The following ZNF251 variants were observed in gnomAD, a reference collection of about 807,000 sequenced individuals.
ZNF251 encodes the protein zinc finger protein 251.
ZNF251 carries 14 observed loss-of-function variants against 13.5 expected under a neutral mutation model. The observed-to-expected ratio is 1.04, with a 90% confidence interval of 0.69 to 1.63. ZNF251 has a LOEUF of 1.63. Ranked by LOEUF, ZNF251 falls within the 40% of genes most tolerant of loss-of-function variation. The pLI is 0.00. For synonymous variants in ZNF251, 287 were observed against 295.2 expected (o/e 0.97, Z 0.28); for missense variants, 764 against 834.9 (o/e 0.92, Z 1.05).
chr8:144,753,645 G>A (rs1318715284), intron 4 of ZNF251, 38 bp downstream of exon 4: 2 of 1,516,536 alleles, frequency 1.3e-6, no homozygotes, highest in African/African-American at 2.8e-5. Flanking sequence ...GCAGGATTGG[G>A]AGGCTGCTCC....
In ZNF251 at chr8:144,755,470, G is replaced by A. The variant is rs1436743444; in HGVS notation, c.-141C>T. 6.2e-6 allele frequency: 8 copies of A among 1,287,542 alleles called. No individual in the cohort carries two copies. The highest frequency in any genetic ancestry group is 5.6e-5 in the East Asian group (1 of 18,000). 79.8% of individuals were successfully genotyped at this position (1,287,542 alleles called of 1,614,324 possible). A position where few individuals can be genotyped will look rare whatever the true frequency, so the allele number is the denominator to read the frequency against. ...GGAGCTGCGCAGTCGCACCGAGCCC[G>A]GAACGGACCCTCCCACAGAACCGGG... On this transcript the variant is annotated 5_prime_UTR_variant, in exon 1 of 5. Coordinates refer to ENST00000292562, the MANE Select transcript of ZNF251 (RefSeq NM_138367.2).
At position 144,723,078 on chromosome 8, in the gene ZNF251, T is replaced by C; in HGVS notation, c.582A>G (p.Gln194=). ...SAFDRNLNLD[Q]NVVRLQRNKT... is the part of the protein sequence containing the mutation. The stretch of plus-strand genomic sequence containing the variant: ...TATTTCTTTGAAGTCTAACAACATT[T>C]TGGTCCAGATTCAAGTTTCTATCAA... The change falls in exon 5 of 5, where the codon CAA becomes CAG. Residue 194 remains glutamine, a synonymous_variant. Transcript: ENST00000292562. 1.2e-6 allele frequency: 2 copies of C among 1,614,058 alleles called. No individual in the cohort carries two copies. The highest frequency in any genetic ancestry group is 1.7e-6 in the Non-Finnish European group (2 of 1,179,888).
At chr8:144,733,419 G>C (rs546338563) in intron 4 of ZNF251, among the ~76,000 whole-genome samples, 1 of 152,160 alleles carries the variant, frequency 6.6e-6, no homozygotes, top group African/African-American at 2.4e-5. Flanking sequence ...AGCTGCCTCC[G>C]CATGTGCTAT....
rs1226456637 is a variant in ZNF251 at position 144,721,944 on chromosome 8, T to C, written c.1716A>G (p.Gly572=). Reference sequence around the variant, plus strand: ...GTCGTGAGGTGGGACTGAAAGCTTTTCCATATTCATTACATCCAAAGGATT... The same window carrying C: ...GTCGTGAGGTGGGACTGAAAGCTTTCCCATATTCATTACATCCAAAGGATT... ...GEKSFGCNEY[G]KAFSPTSRPT... is the part of the protein sequence containing the mutation. The change falls in exon 5 of 5, where the codon GGA becomes GGG. Residue 572 remains glycine (G), a synonymous_variant. Coordinates refer to ENST00000292562, the MANE Select transcript of ZNF251 (RefSeq NM_138367.2). 2 of 1,518,570 alleles carry C rather than the reference T, an allele frequency of 1.3e-6. No homozygotes were observed. Among genetic ancestry groups the C allele is most frequent in the Non-Finnish European group, 1.8e-6 (2 of 1,133,060 alleles). 94.1% of individuals were successfully genotyped at this position (1,518,570 alleles called of 1,614,324 possible).
chr8:144,749,216 G>A (rs1469900401), intron 4 of ZNF251, among the ~76,000 whole-genome samples: 1 of 152,208 alleles, frequency 6.6e-6, no homozygotes, highest in African/African-American at 2.4e-5. Context: ...GCTGGGTACA[G>A]TGGCTCATTC....
intron 2 of ZNF251, 154 bp downstream of exon 2, chr8:144,754,542 G>A (rs1586714390): frequency 2.1e-6 from 3 of 1,450,518 alleles, no homozygotes; most frequent in Admixed American, 2.9e-5. Context: ...CCCTGCAGGA[G>A]GGCGAGTCTA....
chr8:144,733,714 G>A (rs899045469), intron 4 of ZNF251, among the ~76,000 whole-genome samples: 3 of 152,060 alleles, frequency 2.0e-5, no homozygotes, highest in East Asian at 1.9e-4. Flanking sequence ...CTCTCCTCGC[G>A]CCGACCTCCA....
At position 144,733,279 on chromosome 8, in the gene ZNF251, G is replaced by A. The variant is rs183727155; in HGVS notation, c.278-9897C>T. Among the ~76,000 whole-genome samples the A allele has an allele frequency of 6.5e-4, 99 of 152,262 alleles. 1 individual carries two copies. In the East Asian group the frequency reaches 0.011, roughly 17 times the overall value. ...ACTTAAGTTGGGTGTGGTGGCTCAC[G>A]CCTGTAATCCTAGCACTTTGAGAGG... On this transcript the variant is annotated intron_variant, in intron 4 of 4. Coordinates refer to ENST00000292562, the MANE Select transcript of ZNF251 (RefSeq NM_138367.2).
At chr8:144,732,647 C>G (rs1367115600) in intron 4 of ZNF251, among the ~76,000 whole-genome samples, 3 of 151,676 alleles carry the variant, frequency 2.0e-5, no homozygotes, top group Non-Finnish European at 4.4e-5. Context: ...CCCGTCTCTA[C>G]TAAAAATACA....
At chr8:144,754,926 C>T in intron 1 of ZNF251, 123 bp from the exon 2 acceptor site, 2 of 1,427,518 alleles carry the variant, frequency 1.4e-6, no homozygotes, top group African/African-American at 1.4e-5. Context: ...CTATGCAGCA[C>T]GGGCCGACGT....
chr8:144,726,886 G>GA (rs1275939457), intron 4 of ZNF251, among the ~76,000 whole-genome samples: 9 of 151,506 alleles, frequency 5.9e-5, no homozygotes, highest in African/African-American at 2.2e-4. Context: ...AGAAAAAAAA[G>GA]AAAAGAAAAA....
At chr8:144,754,416 C>A in intron 2 of ZNF251, 95 bp from the exon 3 acceptor site, 2 of 1,467,522 alleles carry the variant, frequency 1.4e-6, no homozygotes, top group Admixed American at 2.6e-5. Flanking sequence ...CTACCCAGGG[C>A]CCTGCTGTGG....
At position 144,755,443 on chromosome 8, in the gene ZNF251, G is replaced by A. The variant is rs373779900; in HGVS notation, c.-114C>T. 1.9e-5 allele frequency: 25 copies of A among 1,288,072 alleles called. No homozygotes were observed. The highest frequency in any genetic ancestry group is 2.3e-5 in the Non-Finnish European group (23 of 988,818). The allele number at this position is 1,288,072 out of a possible 1,614,324, so 79.8% of individuals were successfully genotyped here. A position where few individuals can be genotyped will look rare whatever the true frequency, so the allele number is the denominator to read the frequency against. Reference sequence around the variant, plus strand: ...CCGGGGAAGCCACCGAGGAAGCGCCGAGGAGCTGCGCAGTCGCACCGAGCC... The same window carrying A: ...CCGGGGAAGCCACCGAGGAAGCGCCAAGGAGCTGCGCAGTCGCACCGAGCC... On this transcript the variant is annotated 5_prime_UTR_variant, in exon 1 of 5. Coordinates refer to ENST00000292562, the MANE Select transcript of ZNF251 (RefSeq NM_138367.2).
At chr8:144,738,697 G>T (rs967819420) in intron 4 of ZNF251, 1 of 984,534 alleles carries the variant, frequency 1.0e-6, no homozygotes, top group East Asian at 1.1e-4. Flanking sequence ...AGGCAACCTC[G>T]TGGGGGCACC....
intron 4 of ZNF251, among the ~76,000 whole-genome samples, chr8:144,725,806 T>C (rs1823501423): frequency 6.6e-6 from 1 of 152,186 alleles, no homozygotes; most frequent in Admixed American, 6.5e-5. Flanking sequence ...TCATTCACAA[T>C]GACGGATGTA....
At chr8:144,744,656 T>A (rs1824333615) in intron 4 of ZNF251, among the ~76,000 whole-genome samples, 1 of 152,168 alleles carries the variant, frequency 6.6e-6, no homozygotes, top group Non-Finnish European at 1.5e-5. Flanking sequence ...CTCTCCACCA[T>A]GTGAGGACAC....
At chr8:144,754,860 C>T (rs1824883961) in intron 1 of ZNF251, 57 bp from the exon 2 acceptor site, 1 of 1,478,684 alleles carries the variant, frequency 6.8e-7, no homozygotes. Flanking sequence ...GGAAGGATGG[C>T]CAGGAGGCAG....
At chr8:144,733,904 A>T (rs1823800306) in intron 4 of ZNF251, among the ~76,000 whole-genome samples, 1 of 152,262 alleles carries the variant, frequency 6.6e-6, no homozygotes, top group Admixed American at 6.5e-5. Flanking sequence ...CATGCTTAGC[A>T]TGAGATGCTT....
chr8:144,754,860 C>A, intron 1 of ZNF251, 57 bp from the exon 2 acceptor site: 1 of 1,478,682 alleles, frequency 6.8e-7, no homozygotes, highest in South Asian at 1.4e-5. Flanking sequence ...GGAAGGATGG[C>A]CAGGAGGCAG....
Sources: gnomAD v4.1 joint callset for allele counts (sites outside exome capture counted in the v4.1 genomes callset) on GRCh38, gnomAD v4.1.1 for gene constraint, MANE v1.5 for transcripts, NCBI Gene and HGNC (gene_info 2026-07-23, HGNC 2026-07-21) for gene names.